Variants in SUGP1 observed in about 807,000 individuals in gnomAD.
SUGP1 encodes the protein SURP and G-patch domain containing 1, also known as SURP and G-patch domain-containing protein 1.
In SUGP1, 34 loss-of-function variants were observed where a neutral mutation model predicts 76.5. The ratio of observed to expected loss-of-function variants is 0.44; its 90% confidence interval spans 0.34 to 0.59. SUGP1 has a LOEUF of 0.59. SUGP1 is among the 20% of genes least tolerant of loss of function. SUGP1 has a pLI of 0.01. For missense variants in SUGP1, 752 were observed against 851.7 expected, an observed-to-expected ratio of 0.88 and a Z score of 1.46; for synonymous variants, 326 against 326.2, an observed-to-expected ratio of 1.00 and a Z score of 0.01.
chr19:19,320,319 G>T, intron 1 of SUGP1, 144 bp downstream of exon 1: 3 of 806,082 alleles, frequency 3.7e-6, no homozygotes, highest in South Asian at 4.5e-5. Flanking sequence ...GAGAAACCAA[G>T]AGGTGCAGAA....
At position 19,296,993 on chromosome 19, in the gene SUGP1, C is replaced by G. The variant is rs768166418; in HGVS notation, c.1239G>C (p.Leu413=). The change falls in exon 8 of 14, where the codon CTG becomes CTC. Residue 413 remains leucine, a synonymous_variant. Coordinates refer to ENST00000247001, the MANE Select transcript of SUGP1 (RefSeq NM_172231.4). ...QRDVDASPSP[L]SVQDLKGLGY... The stretch of plus-strand genomic sequence containing the variant: ...AGGGGGAGAGGGTCTGCCCACCTGA[C>G]AGAGGCGAGGGAGAGGCATCCACGT... 9 of 1,572,472 alleles carry G rather than the reference C, an allele frequency of 5.7e-6. No homozygotes were observed. The East Asian group carries it at 1.8e-4, about 32-fold the overall frequency.
At chr19:19,290,111 T>A (rs1327534027) in intron 8 of SUGP1, among the ~76,000 whole-genome samples, 3 of 152,138 alleles carry the variant, frequency 2.0e-5, no homozygotes, top group Non-Finnish European at 4.4e-5. Context: ...GACTGGCAGA[T>A]GTGACCCGCC....
rs182313462 is a variant in SUGP1 at position 19,280,642 on chromosome 19, G to A, written c.1244-351C>T. 36 of 259,950 alleles carry A rather than the reference G, an allele frequency of 1.4e-4. 1 individual carries two copies. Among genetic ancestry groups the A allele is most frequent in the Non-Finnish European group, 1.7e-4 (22 of 132,100 alleles). 16.1% of individuals were successfully genotyped at this position (259,950 alleles called of 1,614,324 possible). A position where few individuals can be genotyped will look rare whatever the true frequency, so the allele number is the denominator to read the frequency against. Reference sequence around the variant, plus strand: ...GAGCCAGAGACAAGAGAGCTGAGACGGCATGTGGGCAGCATGCATGGGCGC... The same window carrying A: ...GAGCCAGAGACAAGAGAGCTGAGACAGCATGTGGGCAGCATGCATGGGCGC... On this transcript the variant is annotated intron_variant, in intron 8 of 13. Coordinates refer to ENST00000247001, the MANE Select transcript of SUGP1 (RefSeq NM_172231.4).
At position 19,297,285 on chromosome 19, in the gene SUGP1, A is replaced by C; in HGVS notation, c.947T>G (p.Phe316Cys). The stretch of plus-strand genomic sequence containing the variant: ...TGTGGAGCTGGCCTTGGCTTTCCGG[A>C]ACTCCTCCAGCTTCTGTCGGTAGTA... ...YKYYRQKLEE[F>C]RKAKASSTGS... Residue 316 changes from phenylalanine (F) to cysteine (C), a missense_variant, in exon 8 of 14, where the codon TTC (phenylalanine) becomes TGC (cysteine). Physicochemically the swap from Phe to Cys is radical, Grantham distance 205. This residue lies in a region of SUGP1 where 620 missense variants were observed against 617.3 expected (regional missense o/e 1.00). Coordinates refer to ENST00000247001, the MANE Select transcript of SUGP1 (RefSeq NM_172231.4). 1 of 1,551,868 alleles carries C rather than the reference A, an allele frequency of 6.4e-7. No individual in the cohort carries two copies. The highest frequency in any genetic ancestry group is 1.2e-5 in the South Asian group (1 of 82,920).
Position 19,302,419 on chromosome 19 carries a change from C to G in SUGP1, c.764-31G>C, listed in dbSNP as rs200514533. On this transcript the variant is annotated intron_variant, in intron 6 of 13. Coordinates refer to ENST00000247001, the MANE Select transcript of SUGP1 (RefSeq NM_172231.4). ...AGCAGGCTGTCAGTACTGGGCTCAACTCACCACACCCAACAGCCTAATTTC... is the reference window on the plus strand; with the variant it reads ...AGCAGGCTGTCAGTACTGGGCTCAAGTCACCACACCCAACAGCCTAATTTC... 1.4e-4 allele frequency: 226 copies of G among 1,605,886 alleles called. 1 individual carries two copies. The highest frequency in any genetic ancestry group is 1.7e-5 in the Non-Finnish European group (20 of 1,174,316).
At chr19:19,316,858 G>A (rs923202733) in intron 1 of SUGP1, among the ~76,000 whole-genome samples, 4 of 152,082 alleles carry the variant, frequency 2.6e-5, no homozygotes, top group African/African-American at 7.2e-5. Context: ...TAACTTTCGG[G>A]CTGGTGCAGA....
At chr19:19,286,548 A>G (rs1409941064) in intron 8 of SUGP1, among the ~76,000 whole-genome samples, 5 of 152,148 alleles carry the variant, frequency 3.3e-5, no homozygotes, top group Non-Finnish European at 5.9e-5. Context: ...AAAAACGGGT[A>G]GAGGGTAAGG....
intron 8 of SUGP1, among the ~76,000 whole-genome samples, chr19:19,292,098 C>T (rs1175720653): frequency 6.6e-6 from 1 of 151,564 alleles, no homozygotes; most frequent in Non-Finnish European, 1.5e-5. Flanking sequence ...CATGGCAAAA[C>T]CCCATCTCTA....
At chr19:19,319,043 C>A (rs1305737696) in intron 1 of SUGP1, among the ~76,000 whole-genome samples, 1 of 109,600 alleles carries the variant, frequency 9.1e-6, no homozygotes, top group East Asian at 1.9e-4. Flanking sequence ...CATGGTGATA[C>A]CCCGTCTCTA....
chr19:19,315,385 C>A lies in SUGP1; in HGVS notation c.206+1037G>T, dbSNP rs557573714. On this transcript the variant is annotated intron_variant, in intron 2 of 13. Transcript: ENST00000247001. ...AACAAGGCCTTGGGGAAGGTTAACA[C>A]ACTCTACACTCCAGACCCCAGAGGA... Among the ~76,000 whole-genome samples, 9 of 152,068 alleles carry A rather than the reference C, an allele frequency of 5.9e-5. No individual in the cohort carries two copies. In the South Asian group the frequency reaches 1.5e-3, roughly 25 times the overall value.
At chr19:19,318,850 C>T (rs1481965501) in intron 1 of SUGP1, among the ~76,000 whole-genome samples, 3 of 152,096 alleles carry the variant, frequency 2.0e-5, no homozygotes, top group Admixed American at 6.6e-5. Flanking sequence ...ATGATGTCTT[C>T]AGACTAGGGT....
At chr19:19,303,906 A>T (rs961429813) in intron 4 of SUGP1, 59 bp from the exon 5 acceptor site, 6 of 1,609,806 alleles carry the variant, frequency 3.7e-6, no homozygotes, top group African/African-American at 2.7e-5. Context: ...CAATAGGCAC[A>T]CTCTCTCTAT....
intron 6 of SUGP1, 141 bp downstream of exon 6, chr19:19,303,207 C>T (rs1482194056): frequency 5.9e-6 from 4 of 679,892 alleles, no homozygotes; most frequent in Non-Finnish European, 1.0e-5. Context: ...CAGAGTGACC[C>T]CAGATGCCTG....
At chr19:19,299,971 T>C (rs2061258521) in intron 7 of SUGP1, among the ~76,000 whole-genome samples, 1 of 151,740 alleles carries the variant, frequency 6.6e-6, no homozygotes, top group African/African-American at 2.4e-5. Context: ...AGAGACGGGG[T>C]TTCTCCACGT....
At chr19:19,293,117 C>G (rs1177591005) in intron 8 of SUGP1, among the ~76,000 whole-genome samples, 1 of 148,938 alleles carries the variant, frequency 6.7e-6, no homozygotes, top group East Asian at 2.1e-4. Context: ...ACCATGTTGG[C>G]CAGGCTGGTC....
intron 8 of SUGP1, among the ~76,000 whole-genome samples, chr19:19,294,884 G>A (rs2061213210): frequency 6.6e-6 from 1 of 151,996 alleles, no homozygotes. Flanking sequence ...TATTACTAAA[G>A]TGAAAAGACA....
chr19:19,276,493 G>C lies in SUGP1; in HGVS notation c.*155C>G. 3.5e-6 allele frequency: 3 copies of C among 864,758 alleles called. No homozygotes were observed. The highest frequency in any genetic ancestry group is 1.6e-5 in the South Asian group (1 of 60,914). 53.6% of individuals were successfully genotyped at this position (864,758 alleles called of 1,614,324 possible). ...CCGCTGCTAACAGGAGGGGCTTCCT[G>C]CAACAGGACCAGGCATCTGTGGTGG... On this transcript the variant is annotated 3_prime_UTR_variant, in exon 14 of 14. Coordinates refer to ENST00000247001, the MANE Select transcript of SUGP1 (RefSeq NM_172231.4).
At position 19,303,340 on chromosome 19, in the gene SUGP1, C is replaced by G. The variant is rs371260349; in HGVS notation, c.763+8G>C. The stretch of plus-strand genomic sequence containing the variant: ...CCCCAGAATCTCCCACCCGCTCCGT[C>G]CACCTACCTTTCTGAGAGGCTGCCT... On this transcript the variant is annotated splice_region_variant and intron_variant, in intron 6 of 13. Coordinates refer to ENST00000247001, the MANE Select transcript of SUGP1 (RefSeq NM_172231.4). The G allele has an allele frequency of 3.1e-6, 5 of 1,613,244 alleles. No individual in the cohort carries two copies. In the African/African-American group the frequency reaches 6.7e-5, roughly 22 times the overall value.
In SUGP1 at chr19:19,303,451, G is replaced by A; in HGVS notation, c.663-3C>T. On this transcript the variant is annotated splice_region_variant and splice_polypyrimidine_tract_variant and intron_variant, in intron 5 of 13. Coordinates refer to ENST00000247001, the MANE Select transcript of SUGP1 (RefSeq NM_172231.4). ...TGCTATTCTTATCGTGCAAAAATCTGGAGAGGAGGAAGTTTGCAGAAGAGA... is the reference window on the plus strand; with the variant it reads ...TGCTATTCTTATCGTGCAAAAATCTAGAGAGGAGGAAGTTTGCAGAAGAGA... 6.2e-7 allele frequency: 1 copy of A among 1,612,600 alleles called. No homozygotes were observed.
Sources: allele counts gnomAD v4.1 joint callset (sites outside exome capture counted in the v4.1 genomes callset), GRCh38; gene constraint gnomAD v4.1.1; regional missense constraint gnomAD v4.1.1; transcripts MANE v1.5; gene names NCBI Gene and HGNC (gene_info 2026-07-23, HGNC 2026-07-21).